The following KCNAB1 variants were observed in gnomAD, a reference collection of about 807,000 sequenced individuals.
The protein encoded by KCNAB1 is voltage-gated potassium channel subunit beta-1.
Under a neutral mutation model 64.6 loss-of-function variants are expected in KCNAB1, and 35 were observed. The observed-to-expected ratio is 0.54, with a 90% CI of 0.41 to 0.72. KCNAB1 has a LOEUF of 0.72. KCNAB1 is among the 30% of genes least tolerant of loss of function. The pLI is 0.00. For missense variants in KCNAB1, 401 were observed against 512.9 expected, an observed-to-expected ratio of 0.78 and a Z score of 2.11; for synonymous variants, 177 against 183.8, an observed-to-expected ratio of 0.96 and a Z score of 0.30.
At chr3:156,501,162 TCTC>T (rs1716374321) in intron 8 of KCNAB1, among the ~76,000 whole-genome samples, 1 of 152,264 alleles carries the variant, frequency 6.6e-6, no homozygotes, top group Admixed American at 6.5e-5. Context: ...CAGCTTCCAT[TCTC>T]CTCCTCGGGG....
intron 2 of KCNAB1, among the ~76,000 whole-genome samples, chr3:156,429,302 G>A (rs769469211): frequency 3.3e-5 from 5 of 152,202 alleles, no homozygotes; most frequent in Non-Finnish European, 5.9e-5. Flanking sequence ...GCAGCCGCCC[G>A]CAGATCTAGG....
At chr3:156,333,883 T>G (rs1723508939) in intron 1 of KCNAB1, among the ~76,000 whole-genome samples, 1 of 152,174 alleles carries the variant, frequency 6.6e-6, no homozygotes, top group Non-Finnish European at 1.5e-5. Context: ...TTTCTCTCTT[T>G]CTGTGAATGT....
At chr3:156,392,169 C>T (rs1355671233) in intron 1 of KCNAB1, among the ~76,000 whole-genome samples, 1 of 152,164 alleles carries the variant, frequency 6.6e-6, no homozygotes, top group Non-Finnish European at 1.5e-5. Context: ...ATTTGAAATT[C>T]TATGGTGTAT....
chr3:156,206,694 AC>A (rs1162961595), intron 1 of KCNAB1, among the ~76,000 whole-genome samples: 1 of 152,196 alleles, frequency 6.6e-6, no homozygotes, highest in Non-Finnish European at 1.5e-5. Flanking sequence ...TATAACAGCC[AC>A]CTGGGGACAT....
In KCNAB1 at chr3:156,130,918, G is replaced by A. The variant is rs990278384; in HGVS notation, c.275+10032G>A. Among the ~76,000 whole-genome samples the A allele has an allele frequency of 8.5e-5, 13 of 152,338 alleles. No individual in the cohort carries two copies. In the East Asian group the frequency reaches 1.2e-3, roughly 14 times the overall value. On this transcript the variant is annotated intron_variant, in intron 1 of 13. Transcript: ENST00000490337. The stretch of plus-strand genomic sequence containing the variant: ...ACTATGGATTTTTATGTTTCCTCAG[G>A]CTTTTCTCCCACAGAAACTGTTTCC...
chr3:156,381,331 T>C (rs1430837534), intron 1 of KCNAB1, among the ~76,000 whole-genome samples: 1 of 152,100 alleles, frequency 6.6e-6, no homozygotes, highest in Non-Finnish European at 1.5e-5. Flanking sequence ...CTCCAAAGTG[T>C]GTAGCAGTTT....
At chr3:156,271,405 T>C (rs71310470) in intron 1 of KCNAB1, among the ~76,000 whole-genome samples, 3 of 152,244 alleles carry the variant, frequency 2.0e-5, no homozygotes, top group Non-Finnish European at 4.4e-5. Context: ...TTTGACTGTG[T>C]ATTTTTAAAT....
At chr3:156,269,840 T>G (rs937313979) in intron 1 of KCNAB1, among the ~76,000 whole-genome samples, 1 of 152,118 alleles carries the variant, frequency 6.6e-6, no homozygotes, top group African/African-American at 2.4e-5. Context: ...TTTCCATCCT[T>G]TATTATTTTC....
chr3:156,196,205 A>G (rs1414061440), intron 1 of KCNAB1, among the ~76,000 whole-genome samples: 2 of 152,098 alleles, frequency 1.3e-5, no homozygotes. Context: ...TGTTTTTGTT[A>G]CGGTTGCCAT....
At chr3:156,477,070 TAGA>T (rs1419657503) in intron 8 of KCNAB1, among the ~76,000 whole-genome samples, 1 of 152,174 alleles carries the variant, frequency 6.6e-6, no homozygotes, top group Non-Finnish European at 1.5e-5. Context: ...ATTATATTTA[TAGA>T]AGAAGGAGGA....
intron 1 of KCNAB1, among the ~76,000 whole-genome samples, chr3:156,418,952 T>A (rs1385408508): frequency 2.6e-5 from 4 of 152,230 alleles, no homozygotes; most frequent in African/African-American, 9.6e-5. Context: ...TTTTAAAATC[T>A]TGTAAGGCTT....
intron 1 of KCNAB1, among the ~76,000 whole-genome samples, chr3:156,267,629 A>G (rs1718795462): frequency 6.6e-6 from 1 of 152,156 alleles, no homozygotes; most frequent in South Asian, 2.1e-4. Context: ...TCCCTGATAG[A>G]CAACTCAACC....
chr3:156,166,329 G>T (rs1711558039), intron 1 of KCNAB1, among the ~76,000 whole-genome samples: 1 of 152,126 alleles, frequency 6.6e-6, no homozygotes, highest in African/African-American at 2.4e-5. Flanking sequence ...ACATAAAAAG[G>T]GTCTAGAAAT....
chr3:156,314,495 A>T (rs139149472), intron 1 of KCNAB1, among the ~76,000 whole-genome samples: 112 of 152,322 alleles, frequency 7.4e-4, no homozygotes, highest in Non-Finnish European at 1.2e-3. Context: ...CAGCCTCCCC[A>T]CCATTCTGCA....
chr3:156,298,392 T>G (rs150329046), intron 1 of KCNAB1, among the ~76,000 whole-genome samples: 67 of 152,242 alleles, frequency 4.4e-4, no homozygotes, highest in Middle Eastern at 6.8e-3. Flanking sequence ...ACACATGGAG[T>G]CCTTAATCCC....
In KCNAB1 at chr3:156,536,678, A is replaced by G; in HGVS notation, c.1191A>G (p.Ser397=). 1.2e-6 allele frequency: 2 copies of G among 1,612,360 alleles called. No individual in the cohort carries two copies. Among genetic ancestry groups the G allele is most frequent in the Non-Finnish European group, 1.7e-6 (2 of 1,178,302 alleles). ...GAIQVLPKMT[S]HVVNEIDNIL... ...CTCAGGTTCTCCCAAAGATGACATCACATGTGGTAAATGAGATTGATAACA... is the reference window on the plus strand; with the variant it reads ...CTCAGGTTCTCCCAAAGATGACATCGCATGTGGTAAATGAGATTGATAACA... Residue 397 remains serine, a synonymous_variant, in exon 14 of 14, where the codon TCA becomes TCG. Coordinates refer to ENST00000490337, the MANE Select transcript of KCNAB1 (RefSeq NM_172160.3).
At chr3:156,390,547 T>C (rs1712960559) in intron 1 of KCNAB1, among the ~76,000 whole-genome samples, 1 of 151,844 alleles carries the variant, frequency 6.6e-6, no homozygotes, top group Admixed American at 6.6e-5. Flanking sequence ...CTTCCTTCCT[T>C]CCTTCCCTCC....
At chr3:156,395,757 G>A (rs73019921) in intron 1 of KCNAB1, among the ~76,000 whole-genome samples, 1 of 151,706 alleles carries the variant, frequency 6.6e-6, no homozygotes, top group Non-Finnish European at 1.5e-5. Flanking sequence ...TGGGTAGCTC[G>A]CTCTCTTTGG....
At chr3:156,312,731 A>AAAAAAAAAAAAAACC (rs1722007557) in intron 1 of KCNAB1, among the ~76,000 whole-genome samples, 1 of 144,526 alleles carries the variant, frequency 6.9e-6, no homozygotes, top group African/African-American at 2.7e-5. Context: ...AAAAAAAAAA[A>AAAAAAAAAAAAAACC]CTCATAATAA....
Sources: gnomAD v4.1 joint callset for allele counts (sites outside exome capture counted in the v4.1 genomes callset) on GRCh38, gnomAD v4.1.1 for gene constraint, MANE v1.5 for transcripts, NCBI Gene and HGNC (gene_info 2026-07-23, HGNC 2026-07-21) for gene names.